GOSR1: variants seen among roughly 807,000 people sequenced by gnomAD.
The protein encoded by GOSR1 is 28 kDa Golgi SNARE protein.
A neutral mutation model predicts 35.5 loss-of-function variants in GOSR1; 21 were observed. The ratio of observed to expected loss-of-function variants is 0.59; its 90% CI spans 0.42 to 0.85. GOSR1 has a LOEUF of 0.85. Among genes scored for constraint, GOSR1 ranks in the 40% least tolerant of loss-of-function variants. The pLI, the probability that GOSR1 is intolerant of heterozygous loss-of-function variation, is 0.00. For missense variants in GOSR1, 285 were observed against 309.6 expected, an observed-to-expected ratio of 0.92 and a Z score of 0.60; for synonymous variants, 94 against 106.6, an observed-to-expected ratio of 0.88 and a Z score of 0.73.
At chr17:30,518,924 G>A (rs899580384) in intron 7 of GOSR1, among the ~76,000 whole-genome samples, 19 of 152,032 alleles carry the variant, frequency 1.2e-4, no homozygotes, top group African/African-American at 3.1e-4. Flanking sequence ...CCTGGGTGAC[G>A]GAGCAGGACC....
At chr17:30,504,143 C>T (rs1454536678) in intron 6 of GOSR1, among the ~76,000 whole-genome samples, 5 of 151,842 alleles carry the variant, frequency 3.3e-5, no homozygotes, top group East Asian at 3.9e-4. Flanking sequence ...TCTCCTGCCT[C>T]GGCCTCCCGA....
rs1968126774 is a variant in GOSR1 at position 30,523,652 on chromosome 17, CCCGGCCGCCCCT to C, written c.*1275_*1286del. 8 of 158,046 alleles carry C rather than the reference CCCGGCCGCCCCT, an allele frequency of 5.1e-5. No homozygotes were observed. The highest frequency in any genetic ancestry group is 1.8e-4 in the African/African-American group (7 of 39,540). 9.8% of individuals were successfully genotyped at this position (158,046 alleles called of 1,614,324 possible). On this transcript the variant is annotated 3_prime_UTR_variant, in exon 9 of 9. Transcript: ENST00000451249. ...GGGCGCCTCTGCCCGGCCGCCCCTGCCCGGCCGCCCCTACTGGGAAGTGAGGAGCCCCTCTGC... is the reference window on the plus strand; with the variant it reads ...GGGCGCCTCTGCCCGGCCGCCCCTGCACTGGGAAGTGAGGAGCCCCTCTGC...
chr17:30,502,419 A>G (rs1597784932), intron 6 of GOSR1, among the ~76,000 whole-genome samples: 1 of 152,366 alleles, frequency 6.6e-6, no homozygotes, highest in Non-Finnish European at 1.5e-5. Context: ...CAGGTGGAGG[A>G]GAACGGGTGT....
chr17:30,518,414 C>T (rs547328904), intron 7 of GOSR1, among the ~76,000 whole-genome samples: 1 of 147,292 alleles, frequency 6.8e-6, no homozygotes, highest in South Asian at 2.2e-4. Context: ...CCATCATCTT[C>T]CCCAAATCTC....
At chr17:30,492,888 CTT>C (rs1010052156) in intron 6 of GOSR1, 135 bp downstream of exon 6, 56 of 582,344 alleles carry the variant, frequency 9.6e-5, no homozygotes, top group African/African-American at 8.3e-4. Context: ...CCTAATGACT[CTT>C]TTCAATAGAA....
At chr17:30,507,672 A>C (rs1967453087) in intron 6 of GOSR1, among the ~76,000 whole-genome samples, 1 of 151,762 alleles carries the variant, frequency 6.6e-6, no homozygotes, top group South Asian at 2.1e-4. Flanking sequence ...GCAGTGAGCC[A>C]AGATTGTGCC....
At chr17:30,493,806 G>A (rs1597774196) in intron 6 of GOSR1, among the ~76,000 whole-genome samples, 1 of 151,952 alleles carries the variant, frequency 6.6e-6, no homozygotes. Context: ...AATAAATGGT[G>A]CATATATTCC....
chr17:30,489,298 G>T (rs890117470), intron 4 of GOSR1, among the ~76,000 whole-genome samples: 4 of 152,066 alleles, frequency 2.6e-5, no homozygotes, highest in East Asian at 1.9e-4. Context: ...CACTAGAATC[G>T]CTTGAACCCA....
intron 6 of GOSR1, among the ~76,000 whole-genome samples, chr17:30,502,096 T>TAAA: frequency 6.6e-6 from 1 of 152,348 alleles, no homozygotes; most frequent in Non-Finnish European, 1.5e-5. Context: ...AAGCAGCCAG[T>TAAA]CTGTGAAGGC....
Position 30,484,651 on chromosome 17 carries a change from C to A in GOSR1, c.235-12C>A. 60 of 1,160,796 alleles carry A rather than the reference C, an allele frequency of 5.2e-5. No individual in the cohort carries two copies. The highest frequency in any genetic ancestry group is 6.3e-5 in the Non-Finnish European group (53 of 841,628). 71.9% of individuals were successfully genotyped at this position (1,160,796 alleles called of 1,614,324 possible). A position where few individuals can be genotyped will look rare whatever the true frequency, so the allele number is the denominator to read the frequency against. Reference sequence around the variant, plus strand: ...AAAATATTTTGATTGTTTTTTTTTTCTTTATTTCTAGCTTACAGGGGTAAA... The same window carrying A: ...AAAATATTTTGATTGTTTTTTTTTTATTTATTTCTAGCTTACAGGGGTAAA... On this transcript the variant is annotated splice_polypyrimidine_tract_variant and intron_variant, in intron 3 of 8. Transcript: ENST00000451249.
chr17:30,504,066 G>A (rs1031531594), intron 6 of GOSR1, among the ~76,000 whole-genome samples: 49 of 145,808 alleles, frequency 3.4e-4, no homozygotes, highest in Non-Finnish European at 5.1e-4. Context: ...GTGCTCTGTC[G>A]CCCAGGCTGG....
intron 6 of GOSR1, among the ~76,000 whole-genome samples, chr17:30,508,488 C>CAGAT (rs1163900731): frequency 6.6e-6 from 1 of 152,166 alleles, no homozygotes; most frequent in Admixed American, 6.5e-5. Flanking sequence ...GCCACTTCAC[C>CAGAT]AGATGCCTTT....
Position 30,497,571 on chromosome 17 carries a change from T to C in GOSR1, c.509+4818T>C, listed in dbSNP as rs576591238. Among the ~76,000 whole-genome samples the C allele has an allele frequency of 2.6e-5, 4 of 152,366 alleles. No homozygotes were observed. In the South Asian group the frequency reaches 8.3e-4, roughly 32 times the overall value. ...TAAAATGTTAACCTATTACAGAGCT[T>C]GATATGGAGTAGACGAATTCTAAAA... On this transcript the variant is annotated intron_variant, in intron 6 of 8. Transcript: ENST00000451249.
At chr17:30,478,530 T>C (rs1397618695) in intron 1 of GOSR1, 2 of 152,180 alleles carry the variant, frequency 1.3e-5, no homozygotes, top group Non-Finnish European at 2.9e-5. Flanking sequence ...ACAATGCCCA[T>C]TTGAAATGTG....
At chr17:30,483,970 A>T (rs577382494) in intron 2 of GOSR1, among the ~76,000 whole-genome samples, 41 of 152,324 alleles carry the variant, frequency 2.7e-4, no homozygotes, top group African/African-American at 9.4e-4. Context: ...CAATCTGTGG[A>T]TCATTTAAAC....
At chr17:30,496,701 C>A (rs1272220344) in intron 6 of GOSR1, among the ~76,000 whole-genome samples, 1 of 152,154 alleles carries the variant, frequency 6.6e-6, no homozygotes, top group Non-Finnish European at 1.5e-5. Flanking sequence ...CTAACAATAC[C>A]TAGCAAAGAG....
At chr17:30,480,987 CAGGCGT>C (rs1914302809) in intron 1 of GOSR1, 150 bp from the exon 2 acceptor site, 1 of 534,666 alleles carries the variant, frequency 1.9e-6, no homozygotes, top group Non-Finnish European at 3.4e-6. Flanking sequence ...GGTGGGATTA[CAGGCGT>C]GCACCACCGT....
chr17:30,503,591 A>G (rs1387639651), intron 6 of GOSR1, among the ~76,000 whole-genome samples: 1 of 152,270 alleles, frequency 6.6e-6, no homozygotes, highest in African/African-American at 2.4e-5. Flanking sequence ...CCACACGTCC[A>G]GGATATGTTT....
chr17:30,501,274 T>C (rs181030617), intron 6 of GOSR1, among the ~76,000 whole-genome samples: 248 of 152,230 alleles, frequency 1.6e-3, no homozygotes, highest in African/African-American at 5.8e-3. Context: ...AAATTAAGCA[T>C]GTGAAAAGAT....
Sources: allele counts gnomAD v4.1 joint callset (sites outside exome capture counted in the v4.1 genomes callset), GRCh38; gene constraint gnomAD v4.1.1; transcripts MANE v1.5; gene names NCBI Gene and HGNC (gene_info 2026-07-23, HGNC 2026-07-21).